Variants in EYA1 observed in about 807,000 individuals in gnomAD.
EYA1 encodes EYA transcriptional coactivator and phosphatase 1.
Under a neutral mutation model 82.0 loss-of-function variants are expected in EYA1, and 16 were observed. The ratio of observed to expected loss-of-function variants is 0.20; its 90% CI spans 0.13 to 0.30. EYA1 has a LOEUF of 0.30. Ranked by LOEUF, EYA1 falls within the 10% of genes least tolerant of loss-of-function variation. The pLI is 1.00. For missense variants in EYA1, 633 were observed against 730.7 expected (o/e 0.87, Z 1.54); for synonymous variants, 261 against 264.4 (o/e 0.99, Z 0.12).
At chr8:71,309,327 G>A (rs1386441486) in intron 7 of EYA1, among the ~76,000 whole-genome samples, 1 of 150,672 alleles carries the variant, frequency 6.6e-6, no homozygotes, top group Non-Finnish European at 1.5e-5. Context: ...GCCAAAAGAA[G>A]TGAAACAAAA....
chr8:71,543,389 C>T (rs1218194502), intron 1 of EYA1, among the ~76,000 whole-genome samples: 1 of 152,104 alleles, frequency 6.6e-6, no homozygotes, highest in African/African-American at 2.4e-5. Context: ...CATGGGTGTA[C>T]ATGATTGTCA....
intron 5 of EYA1, 37 bp from the exon 6 acceptor site, chr8:71,321,916 G>A: frequency 6.2e-7 from 1 of 1,613,572 alleles, no homozygotes; most frequent in South Asian, 1.1e-5. Context: ...GAAAGCCCAT[G>A]CATTAGATGG....
At chr8:71,462,305 G>T (rs1242622790) in intron 2 of EYA1, among the ~76,000 whole-genome samples, 4 of 152,150 alleles carry the variant, frequency 2.6e-5, no homozygotes, top group Non-Finnish European at 5.9e-5. Context: ...AGGTGGCAGG[G>T]GACTGGCGTG....
Position 71,299,212 on chromosome 8 carries a change from A to C in EYA1, c.661T>G (p.Phe221Val). 6.2e-7 allele frequency: 1 copy of C among 1,614,126 alleles called. No homozygotes were observed. The highest frequency in any genetic ancestry group is 8.5e-7 in the Non-Finnish European group (1 of 1,179,996). ...TACTGTGCGTACTGACCCTGGCCAA[A>C]ACTGGGATAAGACGGATAGTCCTAC... ...SQQDYPSYPS[F>V]GQGQYAQYYN... is the part of the protein sequence containing the mutation. Residue 221 changes from phenylalanine to valine, a missense_variant, in exon 9 of 18, where the codon TTT becomes GTT. Physicochemically the swap from Phe to Val is conservative, Grantham distance 50. Coordinates refer to ENST00000340726, the MANE Select transcript of EYA1 (RefSeq NM_000503.6).
chr8:71,379,478 A>G (rs1276168687), intron 2 of EYA1, among the ~76,000 whole-genome samples: 1 of 149,652 alleles, frequency 6.7e-6, no homozygotes, highest in African/African-American at 2.4e-5. Context: ...GTGTGCCTGA[A>G]GAGATTATAT....
chr8:71,499,514 G>C (rs552883299), intron 2 of EYA1, among the ~76,000 whole-genome samples: 14 of 152,166 alleles, frequency 9.2e-5, no homozygotes, highest in African/African-American at 3.4e-4. Context: ...GACCTGCTCA[G>C]AGCCATTATG....
chr8:71,380,041 G>T (rs987236732), intron 2 of EYA1, among the ~76,000 whole-genome samples: 3 of 152,168 alleles, frequency 2.0e-5, no homozygotes, highest in Non-Finnish European at 4.4e-5. Flanking sequence ...TGAAGGTTCT[G>T]CCCAAATCAC....
At chr8:71,543,995 G>C (rs1260773804) in intron 1 of EYA1, among the ~76,000 whole-genome samples, 2 of 152,060 alleles carry the variant, frequency 1.3e-5, no homozygotes, top group African/African-American at 4.8e-5. Context: ...TTCTTGACCA[G>C]AGTAAGGATT....
intron 2 of EYA1, 140 bp from the exon 3 acceptor site, chr8:71,355,049 T>A (rs950072979): frequency 6.9e-6 from 6 of 864,538 alleles, no homozygotes; most frequent in Admixed American, 3.8e-5. Flanking sequence ...AAATAATTCA[T>A]CTCACATTTT....
chr8:71,290,978 A>G (rs1049405260), intron 9 of EYA1, among the ~76,000 whole-genome samples: 8 of 152,214 alleles, frequency 5.3e-5, no homozygotes, highest in African/African-American at 1.9e-4. Flanking sequence ...TTGCTGAAAT[A>G]GTTTATTTTT....
intron 3 of EYA1, among the ~76,000 whole-genome samples, chr8:71,336,689 C>T (rs991094688): frequency 3.9e-5 from 6 of 152,124 alleles, no homozygotes; most frequent in African/African-American, 1.2e-4. Context: ...TTCTTTTAGG[C>T]CCCAATAACA....
At chr8:71,449,309 T>A (rs1807162461) in intron 2 of EYA1, 1 of 152,366 alleles carries the variant, frequency 6.6e-6, no homozygotes, top group Non-Finnish European at 1.5e-5. Context: ...ATTCAGCCAA[T>A]AACAAGACTT....
Position 71,248,950 on chromosome 8 carries a change from T to C in EYA1, c.1051-4258A>G, listed in dbSNP as rs549899113. ...CACCAGGTCTTTAGTTTAATCTTACTATTTTTATAATACATAATTTTCTTG... is the reference window on the plus strand; with the variant it reads ...CACCAGGTCTTTAGTTTAATCTTACCATTTTTATAATACATAATTTTCTTG... On this transcript the variant is annotated intron_variant, in intron 11 of 17. Coordinates refer to ENST00000340726, the MANE Select transcript of EYA1 (RefSeq NM_000503.6). Among the ~76,000 whole-genome samples the C allele has an allele frequency of 2.6e-5, 4 of 152,340 alleles. No individual in the cohort carries two copies. In the South Asian group the frequency reaches 8.3e-4, roughly 32 times the overall value.
intron 2 of EYA1, among the ~76,000 whole-genome samples, chr8:71,394,539 T>G (rs1829471156): frequency 6.6e-6 from 1 of 152,212 alleles, no homozygotes; most frequent in African/African-American, 2.4e-5. Flanking sequence ...CACCATTTAT[T>G]AAATAGGGAA....
At chr8:71,493,308 G>A (rs1325642680) in intron 2 of EYA1, among the ~76,000 whole-genome samples, 1 of 152,206 alleles carries the variant, frequency 6.6e-6, no homozygotes, top group African/African-American at 2.4e-5. Flanking sequence ...TTAGGAACAA[G>A]TATTATCTTG....
At chr8:71,539,548 C>T (rs1298360636) in intron 1 of EYA1, among the ~76,000 whole-genome samples, 1 of 152,214 alleles carries the variant, frequency 6.6e-6, no homozygotes, top group African/African-American at 2.4e-5. Flanking sequence ...GTGATGGCCA[C>T]ATTTGAATTG....
intron 17 of EYA1, among the ~76,000 whole-genome samples, chr8:71,206,280 G>C (rs1274734731): frequency 1.3e-5 from 2 of 151,430 alleles, no homozygotes; most frequent in East Asian, 3.9e-4. Context: ...GTGCAGTGGT[G>C]CCATCATCAC....
At chr8:71,360,456 A>G (rs996045417) in intron 1 of EYA1, among the ~76,000 whole-genome samples, 1 of 152,224 alleles carries the variant, frequency 6.6e-6, no homozygotes, top group African/African-American at 2.4e-5. Context: ...ACAGCAGTGG[A>G]CTTCCATTTG....
chr8:71,476,137 T>C (rs1305283469), intron 2 of EYA1, among the ~76,000 whole-genome samples: 2 of 152,132 alleles, frequency 1.3e-5, no homozygotes, highest in Non-Finnish European at 2.9e-5. Flanking sequence ...CAATCCTTCA[T>C]ATACCTTTTA....
Sources: gnomAD v4.1 joint callset for allele counts (sites outside exome capture counted in the v4.1 genomes callset) on GRCh38, gnomAD v4.1.1 for gene constraint, MANE v1.5 for transcripts, NCBI Gene and HGNC (gene_info 2026-07-23, HGNC 2026-07-21) for gene names.